Variants in ERO1B observed in about 807,000 individuals in gnomAD.
ERO1B encodes the protein ERO1-like protein beta.
Under a neutral mutation model 75.3 loss-of-function variants are expected in ERO1B, and 49 were observed. That is an observed-to-expected ratio of 0.65 (90% CI 0.52 to 0.83). The LOEUF (loss-of-function observed/expected upper bound fraction) is 0.83. Among genes scored for constraint, ERO1B ranks in the 40% least tolerant of loss-of-function variants. The pLI is 0.00. For synonymous variants in ERO1B, 191 were observed against 192.9 expected, an observed-to-expected ratio of 0.99 and a Z score of 0.08; for missense variants, 512 against 560.1, an observed-to-expected ratio of 0.91 and a Z score of 0.87.
intron 6 of ERO1B, among the ~76,000 whole-genome samples, chr1:236,239,911 A>ATTTTTTTTTT (rs1218642025): frequency 1.6e-4 from 17 of 106,944 alleles, no homozygotes; most frequent in African/African-American, 5.3e-4. Flanking sequence ...ATATATATAT[A>ATTTTTTTTTT]TTTTTTTTTT....
chr1:236,236,268 C>G lies in ERO1B; in HGVS notation c.626+10G>C, dbSNP rs1303704233. The G allele has an allele frequency of 3.7e-6, 6 of 1,613,660 alleles. No homozygotes were observed. Among genetic ancestry groups the G allele is most frequent in the Non-Finnish European group, 5.1e-6 (6 of 1,179,746 alleles). On this transcript the variant is annotated intron_variant, in intron 7 of 15. Transcript: ENST00000354619. ...CAGTCGTTCCTTCTTCCCCCACCCC[C>G]TCCAGTTACTTGAAACAGTTCTCTT...
chr1:236,255,350 G>A (rs930617645), intron 2 of ERO1B, among the ~76,000 whole-genome samples: 4 of 152,096 alleles, frequency 2.6e-5, no homozygotes, highest in African/African-American at 9.7e-5. Context: ...TAAGCAGAGA[G>A]ACCATTCCTG....
At chr1:236,245,225 G>C (rs1664813531) in intron 5 of ERO1B, among the ~76,000 whole-genome samples, 1 of 143,980 alleles carries the variant, frequency 6.9e-6, no homozygotes, top group South Asian at 2.2e-4. Context: ...AAACTCCTGG[G>C]CTCAAGTGAT....
At chr1:236,255,094 T>C (rs1341042618) in intron 2 of ERO1B, among the ~76,000 whole-genome samples, 3 of 138,244 alleles carry the variant, frequency 2.2e-5, no homozygotes, top group African/African-American at 2.6e-5. Context: ...CTAATTTTTT[T>C]TTTCTTTCTT....
intron 2 of ERO1B, among the ~76,000 whole-genome samples, chr1:236,269,322 C>A (rs1276299882): frequency 6.6e-6 from 1 of 152,204 alleles, no homozygotes; most frequent in East Asian, 1.9e-4. Context: ...TGCCTTACTG[C>A]TATATTTAAA....
intron 3 of ERO1B, 131 bp downstream of exon 3, chr1:236,253,291 G>C (rs1665082929): frequency 1.6e-6 from 1 of 610,602 alleles, no homozygotes; most frequent in Admixed American, 3.0e-5. Context: ...TTCTAAAGGA[G>C]AGAGCTGAGA....
In ERO1B at chr1:236,230,359, C is replaced by T. The variant is rs1664374943; in HGVS notation, c.686-109G>A. On this transcript the variant is annotated intron_variant, in intron 9 of 15. Transcript: ENST00000354619. ...GGGCATGGTGGCTCATGCCTATAAT[C>T]CTAGCACTTTGGGAGGCCGAGGTGG... 4.6e-6 allele frequency: 4 copies of T among 872,634 alleles called. No homozygotes were observed. In the East Asian group the frequency reaches 1.1e-4, roughly 25 times the overall value. 54.1% of individuals were successfully genotyped at this position (872,634 alleles called of 1,614,324 possible). A position where few individuals can be genotyped will look rare whatever the true frequency, so the allele number is the denominator to read the frequency against.
intron 2 of ERO1B, among the ~76,000 whole-genome samples, chr1:236,254,624 A>AT (rs1665116856): frequency 1.3e-5 from 2 of 150,158 alleles, no homozygotes; most frequent in South Asian, 4.2e-4. Context: ...TTTTTTTTTT[A>AT]TTTTTTGAGA....
At chr1:236,254,692 A>C (rs982906003) in intron 2 of ERO1B, among the ~76,000 whole-genome samples, 5 of 151,914 alleles carry the variant, frequency 3.3e-5, no homozygotes, top group Middle Eastern at 3.2e-3. Context: ...GGCTCACTGC[A>C]ACCTCTGCCT....
intron 1 of ERO1B, among the ~76,000 whole-genome samples, chr1:236,275,992 G>A (rs1044420786): frequency 6.6e-6 from 1 of 152,190 alleles, no homozygotes; most frequent in Non-Finnish European, 1.5e-5. Context: ...TGACACTTTA[G>A]CAGAAATCTA....
In ERO1B at chr1:236,225,087, C is replaced by A; in HGVS notation, c.1105G>T (p.Gly369Trp). 1 of 1,613,816 alleles carries A rather than the reference C, an allele frequency of 6.2e-7. No homozygotes were observed. Among genetic ancestry groups the A allele is most frequent in the Non-Finnish European group, 8.5e-7 (1 of 1,179,760 alleles). Residue 369 changes from glycine to tryptophan, a missense_variant, in exon 13 of 16, where the codon GGG becomes TGG. Coordinates refer to ENST00000354619, the MANE Select transcript of ERO1B (RefSeq NM_019891.4). ...EKSMFAGDKK[G>W]AKSLKEEFRL... ...CTTTTTACCTTTAGTGACTTGGCCCCTTTTTTGTCACCTGCAAACATGGAT... is the reference window on the plus strand; with the variant it reads ...CTTTTTACCTTTAGTGACTTGGCCCATTTTTTGTCACCTGCAAACATGGAT...
chr1:236,263,599 G>A (rs1665342570), intron 2 of ERO1B, among the ~76,000 whole-genome samples: 1 of 151,700 alleles, frequency 6.6e-6, no homozygotes, highest in African/African-American at 2.4e-5. Flanking sequence ...ATTAACTAGG[G>A]GCGAATTAAA....
chr1:236,257,516 T>C (rs367916953), intron 2 of ERO1B, among the ~76,000 whole-genome samples: 1 of 140,258 alleles, frequency 7.1e-6, no homozygotes, highest in African/African-American at 2.7e-5. Context: ...CAGCATTCTA[T>C]GTGCCTTAAG....
intron 13 of ERO1B, 27 bp from the exon 14 acceptor site, chr1:236,222,037 T>C (rs764360378): frequency 1.3e-6 from 2 of 1,563,898 alleles, no homozygotes; most frequent in Non-Finnish European, 1.8e-6. Context: ...ATTTTCAGTC[T>C]AATTAGACTT....
rs1572025998 is a variant in ERO1B at position 236,219,314 on chromosome 1, C to T, written c.1344-738G>A. ...GTTCATACCACTACTAAAGGGCAGG[C>T]CAGGATTCCAGAACTTTAGGACCCC... On this transcript the variant is annotated intron_variant, in intron 15 of 15. Transcript: ENST00000354619. 2.0e-5 allele frequency among the ~76,000 whole-genome samples: 3 copies of T among 152,176 alleles called. No homozygotes were observed. In the Middle Eastern group the frequency reaches 0.01, roughly 518 times the overall value.
At chr1:236,277,842 C>T (rs1039147707) in intron 1 of ERO1B, among the ~76,000 whole-genome samples, 2 of 152,330 alleles carry the variant, frequency 1.3e-5, no homozygotes, top group Non-Finnish European at 2.9e-5. Context: ...TTTTAAATTT[C>T]AGTTCTAGAA....
chr1:236,223,309 C>T (rs1012647139), intron 13 of ERO1B, among the ~76,000 whole-genome samples: 2 of 151,560 alleles, frequency 1.3e-5, no homozygotes, highest in Non-Finnish European at 2.9e-5. Flanking sequence ...ACTTTATCTG[C>T]GGATAAGATT....
chr1:236,218,597 T>C, intron 15 of ERO1B, 21 bp from the exon 16 acceptor site: 2 of 1,317,556 alleles, frequency 1.5e-6, no homozygotes, highest in South Asian at 4.0e-5. Flanking sequence ...AAGAAAAAGC[T>C]TATTAGTAAG....
chr1:236,279,556 C>A (rs575554441), intron 1 of ERO1B, among the ~76,000 whole-genome samples: 2 of 146,244 alleles, frequency 1.4e-5, no homozygotes, highest in South Asian at 2.2e-4. Flanking sequence ...GGCCTGGGCG[C>A]GGTGGCTCAC....
Sources: allele counts gnomAD v4.1 joint callset (sites outside exome capture counted in the v4.1 genomes callset), GRCh38; gene constraint gnomAD v4.1.1; transcripts MANE v1.5; gene names NCBI Gene and HGNC (gene_info 2026-07-23, HGNC 2026-07-21).